The following ITPKA variants were observed in gnomAD, a reference collection of about 807,000 sequenced individuals.
ITPKA encodes the protein IP3 3-kinase A.
A neutral mutation model predicts 40.7 loss-of-function variants in ITPKA; 16 were observed. That is an observed-to-expected ratio of 0.39 (90% confidence interval 0.27 to 0.60). The LOEUF (loss-of-function observed/expected upper bound fraction) is 0.60. Ranked by LOEUF, ITPKA falls within the 20% of genes least tolerant of loss-of-function variation. The pLI, the probability that ITPKA is intolerant of heterozygous loss-of-function variation, is 0.50. For synonymous variants in ITPKA, 313 were observed against 289.9 expected, an observed-to-expected ratio of 1.08 and a Z score of -0.81; for missense variants, 540 against 649.3, an observed-to-expected ratio of 0.83 and a Z score of 1.83.
rs1017823077 is a variant in ITPKA at position 41,503,313 on chromosome 15, G to A, written c.*147G>A. 1.5e-6 allele frequency: 1 copy of A among 651,418 alleles called. No homozygotes were observed. The allele number at this position is 651,418 out of a possible 1,614,324, so 40.4% of individuals were successfully genotyped here. ...GGACCAGGTGCCAGCCACTAAGGGG[G>A]GGCACCGCCGATGCCAGGGGTTTTG... is the stretch of plus-strand genomic sequence containing the variant. On this transcript the variant is annotated 3_prime_UTR_variant, in exon 7 of 7. Transcript: ENST00000260386.
At chr15:41,500,791 T>C (rs896877588) in intron 1 of ITPKA, among the ~76,000 whole-genome samples, 8 of 152,020 alleles carry the variant, frequency 5.3e-5, no homozygotes, top group African/African-American at 1.9e-4. Context: ...GTGGAACACC[T>C]GAGATCAGGA....
chr15:41,501,095 T>A (rs985870545), intron 1 of ITPKA, among the ~76,000 whole-genome samples: 2 of 151,004 alleles, frequency 1.3e-5, no homozygotes, highest in South Asian at 4.2e-4. Context: ...CTGCAATTTT[T>A]AACAAGGGTG....
At chr15:41,495,372 G>C (rs2051063408) in intron 1 of ITPKA, among the ~76,000 whole-genome samples, 1 of 152,234 alleles carries the variant, frequency 6.6e-6, no homozygotes, top group South Asian at 2.1e-4. Context: ...CGGGCGTCTG[G>C]GGCCTGCCCA....
At position 41,501,630 on chromosome 15, in the gene ITPKA, C is replaced by A; in HGVS notation, c.587-5C>A. 6.2e-7 allele frequency: 1 copy of A among 1,604,018 alleles called. No individual in the cohort carries two copies. Among genetic ancestry groups the A allele is most frequent in the Non-Finnish European group, 8.5e-7 (1 of 1,176,302 alleles). ...TGGGCGGCGCTGACGGATGCCGGTC[C>A]TCAGGGAGTTTTAAGGCGGCGGGCA... On this transcript the variant is annotated splice_polypyrimidine_tract_variant and splice_region_variant and intron_variant, in intron 2 of 6. Transcript: ENST00000260386.
Position 41,502,506 on chromosome 15 carries a change from G to T in ITPKA, c.1110+3G>T. ...TGCAAGGAGATGAGGAAGTGCTGGT[G>T]AGAGCGGGATCCCAAACCCTGAGGT... On this transcript the variant is annotated splice_donor_region_variant and intron_variant, in intron 5 of 6. Coordinates refer to ENST00000260386, the MANE Select transcript of ITPKA (RefSeq NM_002220.3). 6.5e-7 allele frequency: 1 copy of T among 1,543,224 alleles called. No homozygotes were observed. The highest frequency in any genetic ancestry group is 1.1e-5 in the South Asian group (1 of 89,562).
intron 1 of ITPKA, among the ~76,000 whole-genome samples, chr15:41,496,106 C>T (rs933564206): frequency 6.6e-6 from 1 of 152,250 alleles, no homozygotes; most frequent in Non-Finnish European, 1.5e-5. Flanking sequence ...ACAGCCACAG[C>T]GGCGGCAGAT....
At chr15:41,501,901 G>T (rs770844807) in intron 3 of ITPKA, 50 bp downstream of exon 3, 7 of 1,595,614 alleles carry the variant, frequency 4.4e-6, no homozygotes, top group Middle Eastern at 2.0e-4. Flanking sequence ...GGGGTCCGGG[G>T]CCGGGACAGC....
At chr15:41,500,077 C>T (rs1159553670) in intron 1 of ITPKA, among the ~76,000 whole-genome samples, 1 of 152,208 alleles carries the variant, frequency 6.6e-6, no homozygotes, top group Non-Finnish European at 1.5e-5. Context: ...TCTCCTGCCT[C>T]AGCCTCCCAA....
At chr15:41,498,123 A>G (rs2051086921) in intron 1 of ITPKA, among the ~76,000 whole-genome samples, 1 of 152,022 alleles carries the variant, frequency 6.6e-6, no homozygotes, top group African/African-American at 2.4e-5. Context: ...ACTCAAATAA[A>G]TATGTACATA....
intron 1 of ITPKA, among the ~76,000 whole-genome samples, chr15:41,500,744 A>C (rs976714356): frequency 3.3e-5 from 5 of 152,226 alleles, no homozygotes; most frequent in African/African-American, 1.2e-4. Flanking sequence ...CTGGTGGCTC[A>C]CACCTGTAAT....
Position 41,494,088 on chromosome 15 carries a change from C to A in ITPKA, c.161C>A (p.Pro54His). 1 of 1,279,024 alleles carries A rather than the reference C, an allele frequency of 7.8e-7. No homozygotes were observed. 79.2% of individuals were successfully genotyped at this position (1,279,024 alleles called of 1,614,324 possible). Residue 54 changes from proline (P) to histidine (H), a missense_variant, in exon 1 of 7, where the codon CCC becomes CAC. Physicochemically the swap from Pro to His is moderately conservative, Grantham distance 77. Coordinates refer to ENST00000260386, the MANE Select transcript of ITPKA (RefSeq NM_002220.3). This position sits in a 1 kb window ranked among gnomAD's most constrained non-coding sequence, Gnocchi z 7.8. ...GCTGCGGCCGCCGCCGCGGGGGAGCCCCGGGCCCGCGGGGCCAAGCGGCGT... is the reference window on the plus strand; with the variant it reads ...GCTGCGGCCGCCGCCGCGGGGGAGCACCGGGCCCGCGGGGCCAAGCGGCGT... The part of the protein sequence containing the change: ...AVAAAAAAGE[P>H]RARGAKRRGG...
At chr15:41,495,236 C>T (rs928046994) in intron 1 of ITPKA, among the ~76,000 whole-genome samples, 1 of 152,224 alleles carries the variant, frequency 6.6e-6, no homozygotes, top group African/African-American at 2.4e-5. Flanking sequence ...CTCCTTGTTC[C>T]CCTCGTTTTA....
intron 1 of ITPKA, among the ~76,000 whole-genome samples, chr15:41,498,739 C>T (rs2051090675): frequency 6.6e-6 from 1 of 152,214 alleles, no homozygotes; most frequent in African/African-American, 2.4e-5. Context: ...TCTCAGTGTT[C>T]CCCAGAAGTC....
At position 41,494,485 on chromosome 15, in the gene ITPKA, C is replaced by G; in HGVS notation, c.489+69C>G. The G allele has an allele frequency of 9.4e-6, 10 of 1,064,110 alleles. No homozygotes were observed. The highest frequency in any genetic ancestry group is 1.3e-5 in the Non-Finnish European group (10 of 786,160). The allele number at this position is 1,064,110 out of a possible 1,614,324, so 65.9% of individuals were successfully genotyped here. A position where few individuals can be genotyped will look rare whatever the true frequency, so the allele number is the denominator to read the frequency against. ...CACGGGGGACCTGGCTGGGTGCTCC[C>G]GGAGGACCCGCTCCTGTCCATGCTC... is the stretch of plus-strand genomic sequence containing the variant. On this transcript the variant is annotated intron_variant, in intron 1 of 6. Transcript: ENST00000260386. This position sits in a 1 kb window ranked among gnomAD's most constrained non-coding sequence, Gnocchi z 7.8.
At chr15:41,500,651 T>C (rs1391259803) in intron 1 of ITPKA, among the ~76,000 whole-genome samples, 2 of 152,186 alleles carry the variant, frequency 1.3e-5, no homozygotes, top group African/African-American at 4.8e-5. Context: ...TAGATCTTTT[T>C]CTTACAGATG....
At chr15:41,498,955 G>T (rs979607144) in intron 1 of ITPKA, among the ~76,000 whole-genome samples, 1 of 152,176 alleles carries the variant, frequency 6.6e-6, no homozygotes, top group Non-Finnish European at 1.5e-5. Context: ...GGCAGGGCAT[G>T]AGGGGATGTA....
At chr15:41,495,166 G>A (rs1019950897) in intron 1 of ITPKA, among the ~76,000 whole-genome samples, 1 of 152,242 alleles carries the variant, frequency 6.6e-6, no homozygotes, top group African/African-American at 2.4e-5. Flanking sequence ...ACACAGCCCT[G>A]GGCACTGTTA....
At position 41,502,218 on chromosome 15, in the gene ITPKA, T is replaced by A; in HGVS notation, c.1008+17T>A. On this transcript the variant is annotated intron_variant, in intron 4 of 6. Transcript: ENST00000260386. ...GGCATCAAGGTGAGGCAGGCGCGCT[T>A]CGCTGGCACCGCCGCAGCCCCACTG... 6.4e-7 allele frequency: 1 copy of A among 1,554,482 alleles called. No homozygotes were observed. The highest frequency in any genetic ancestry group is 8.7e-7 in the Non-Finnish European group (1 of 1,147,706).
In ITPKA at chr15:41,503,419, C is replaced by A; in HGVS notation, c.*253C>A. On this transcript the variant is annotated 3_prime_UTR_variant, in exon 7 of 7. Coordinates refer to ENST00000260386, the MANE Select transcript of ITPKA (RefSeq NM_002220.3). ...GGGGGCAAAGGGCTTCTTCCTCAGGCCAGCTCTTCTGAGGAGGCTCTGCCC... is the reference window on the plus strand; with the variant it reads ...GGGGGCAAAGGGCTTCTTCCTCAGGACAGCTCTTCTGAGGAGGCTCTGCCC... 1 of 594,764 alleles carries A rather than the reference C, an allele frequency of 1.7e-6. No homozygotes were observed. The allele number at this position is 594,764 out of a possible 1,614,324, so 36.8% of individuals were successfully genotyped here.
Sources: gnomAD v4.1 joint callset for allele counts (sites outside exome capture counted in the v4.1 genomes callset) on GRCh38, gnomAD v4.1.1 for gene constraint, Gnocchi (gnomAD v3.1) non-coding constraint, MANE v1.5 for transcripts, NCBI Gene and HGNC (gene_info 2026-07-23, HGNC 2026-07-21) for gene names.